IPO5: variants seen among roughly 807,000 people sequenced by gnomAD.
IPO5 encodes the protein importin-5.
In IPO5, 18 loss-of-function variants were observed where a neutral mutation model predicts 143.3. The observed-to-expected ratio is 0.13, with a 90% CI of 0.09 to 0.19. The LOEUF (loss-of-function observed/expected upper bound fraction) is 0.19, where lower values mean the gene tolerates loss of function less well. Among genes scored for constraint, IPO5 ranks in the 10% least tolerant of loss-of-function variants. The probability of loss-of-function intolerance (pLI) is 1.00; values close to 1 mark genes in which losing one functional copy is unlikely to be tolerated. For synonymous variants in IPO5, 477 were observed against 465.7 expected (o/e 1.02, Z -0.31); for missense variants, 1,013 against 1,336.9 (o/e 0.76, Z 3.78).
In IPO5 at chr13:98,014,065, T is replaced by A; in HGVS notation, c.2176T>A (p.Ser726Thr). The change falls in exon 22 of 29, where the codon TCC (serine) becomes ACC (threonine). Residue 726 changes from serine (S) to threonine (T), a missense_variant. By Grantham distance (58) the Ser-to-Thr change is moderately conservative. Around this residue, in one of 2 missense-constraint regions of IPO5, gnomAD observed 685 missense variants for 994.9 expected, o/e 0.69. Transcript: ENST00000651721. ...HDGVRVAAAE[S>T]MPLLLECARV... ...ACGTGTTCGAGTGGCAGCAGCGGAA[T>A]CCATGCCTCTTCTCCTGGAGTGTGC... The A allele has an allele frequency of 2.5e-6, 4 of 1,609,766 alleles. No individual in the cohort carries two copies. The highest frequency in any genetic ancestry group is 3.4e-6 in the Non-Finnish European group (4 of 1,179,030).
chr13:98,006,520 G>T (rs1389113550), intron 17 of IPO5, among the ~76,000 whole-genome samples, 172 bp downstream of exon 17: 2 of 150,950 alleles, frequency 1.3e-5, no homozygotes, highest in Middle Eastern at 3.4e-3. Context: ...GACTACAGAC[G>T]CCCGCCACCA....
At chr13:97,972,761 T>G (rs902310104) in intron 3 of IPO5, among the ~76,000 whole-genome samples, 2 of 152,222 alleles carry the variant, frequency 1.3e-5, no homozygotes, top group Non-Finnish European at 2.9e-5. Context: ...AAGTTTTCTA[T>G]CCTTGCATTT....
At chr13:97,976,565 G>C in intron 3 of IPO5, 128 bp from the exon 4 acceptor site, 1 of 163,376 alleles carries the variant, frequency 6.1e-6, no homozygotes. Flanking sequence ...CTTCCCGCGC[G>C]GCCCCCCGCA....
intron 20 of IPO5, 84 bp from the exon 21 acceptor site, chr13:98,012,162 G>A (rs184750294): frequency 1.2e-6 from 1 of 805,292 alleles, no homozygotes; most frequent in East Asian, 2.4e-5. Context: ...AACCTCCTGT[G>A]GTCCTTATGA....
intron 2 of IPO5, among the ~76,000 whole-genome samples, chr13:97,957,041 C>T (rs939511102): frequency 8.5e-5 from 13 of 152,154 alleles, no homozygotes; most frequent in Non-Finnish European, 1.8e-4. Context: ...CTACTTTTCC[C>T]ACTCCCTCCC....
Position 97,985,487 on chromosome 13 carries a change from G to C in IPO5, c.238G>C (p.Ala80Pro), listed in dbSNP as rs751965200. 7 of 1,613,934 alleles carry C rather than the reference G, an allele frequency of 4.3e-6. No homozygotes were observed. Among genetic ancestry groups the C allele is most frequent in the Middle Eastern group, 3.3e-4 (2 of 6,062 alleles). Residue 80 changes from alanine to proline, a missense_variant, in exon 6 of 29, where the codon GCA becomes CCA. Around this residue, in one of 2 missense-constraint regions of IPO5, gnomAD observed 328 missense variants for 342.0 expected, o/e 0.96. Transcript: ENST00000651721. ...LSSAFDEVYP[A>P]LPSDVQTAIK... ...CTCTGCATTTGATGAAGTCTATCCA[G>C]CACTTCCCTCTGATGTTCAGACTGC...
Position 98,009,890 on chromosome 13 carries a change from A to C in IPO5, c.1810A>C (p.Met604Leu). Residue 604 changes from methionine (M) to leucine (L), a missense_variant, in exon 19 of 29, where the codon ATG (methionine) becomes CTG (leucine). Around this residue, in one of 2 missense-constraint regions of IPO5, gnomAD observed 685 missense variants for 994.9 expected, o/e 0.69. Coordinates refer to ENST00000651721, the MANE Select transcript of IPO5 (RefSeq NM_002271.6). ...TAAAATTTTTCCCCAGATCTCTTACATGATCTCAGCATGGGCCAGAATGTG... is the reference window on the plus strand; with the variant it reads ...TAAAATTTTTCCCCAGATCTCTTACCTGATCTCAGCATGGGCCAGAATGTG... ...MEDDDPQISY[M>L]ISAWARMCKI... The C allele has an allele frequency of 1.2e-6, 2 of 1,606,132 alleles. No individual in the cohort carries two copies. Among genetic ancestry groups the C allele is most frequent in the Non-Finnish European group, 8.5e-7 (1 of 1,175,658 alleles).
At chr13:97,991,301 G>A (rs1166370266) in intron 9 of IPO5, among the ~76,000 whole-genome samples, 3 of 152,120 alleles carry the variant, frequency 2.0e-5, no homozygotes, top group Non-Finnish European at 1.5e-5. Flanking sequence ...TATGTAAATG[G>A]TCAGACAAGA....
intron 2 of IPO5, among the ~76,000 whole-genome samples, chr13:97,969,245 G>A (rs1320219942): frequency 2.2e-5 from 3 of 137,208 alleles, no homozygotes; most frequent in East Asian, 2.2e-4. Context: ...GCAGTGGCGC[G>A]ATCTCAGCTC....
chr13:97,974,938 T>C (rs893000318), intron 3 of IPO5, among the ~76,000 whole-genome samples: 3 of 152,214 alleles, frequency 2.0e-5, no homozygotes, highest in African/African-American at 7.2e-5. Flanking sequence ...CCATCCCAAT[T>C]GCACGTGGAT....
In IPO5 at chr13:97,959,697, G is replaced by A. The variant is rs185674172; in HGVS notation, c.-113+5499G>A. ...TGCAGTGAGCCTAGATAGCGCCACT[G>A]CACTCCAGCCGGGGTGACGGACTGG... On this transcript the variant is annotated intron_variant, in intron 2 of 28. Coordinates refer to ENST00000651721, the MANE Select transcript of IPO5 (RefSeq NM_002271.6). Among the ~76,000 whole-genome samples the A allele has an allele frequency of 3.7e-3, 566 of 152,284 alleles. 5 individuals are homozygous for A. The highest frequency in any genetic ancestry group is 8.9e-3 in the Admixed American group (136 of 15,292).
At chr13:97,969,879 A>C (rs764191427) in intron 3 of IPO5, 49 bp downstream of exon 3, 2 of 1,437,062 alleles carry the variant, frequency 1.4e-6, no homozygotes, top group East Asian at 4.6e-5. Context: ...TGTTTTTTTT[A>C]AAAGAGACAA....
rs748887472 is a variant in IPO5 at position 98,006,843 on chromosome 13, A to ATTGT, written c.1716+507_1716+510dup. On this transcript the variant is annotated intron_variant, in intron 17 of 28. Transcript: ENST00000651721. ...TACAAATTCTTGCCTTCATCTTTTC[A>ATTGT]TTGTTTGTTTGTTTGGTTTGGTGTT... Among the ~76,000 whole-genome samples, 4 of 139,320 alleles carry ATTGT rather than the reference A, an allele frequency of 2.9e-5. 1 individual carries two copies. The South Asian group carries it at 9.3e-4, about 32-fold the overall frequency. The allele number at this position is 139,320 out of a possible 152,430, so 91.4% of individuals were successfully genotyped here.
intron 11 of IPO5, among the ~76,000 whole-genome samples, chr13:97,993,891 G>A (rs1475837145): frequency 1.3e-5 from 2 of 152,178 alleles, no homozygotes; most frequent in Non-Finnish European, 2.9e-5. Flanking sequence ...CTGAGGTAGT[G>A]GTTGGAATTT....
At chr13:97,979,623 A>G (rs1378943912) in intron 4 of IPO5, among the ~76,000 whole-genome samples, 3 of 152,238 alleles carry the variant, frequency 2.0e-5, no homozygotes, top group African/African-American at 4.8e-5. Flanking sequence ...TTTATTAATC[A>G]TATGCATGGA....
intron 12 of IPO5, 101 bp downstream of exon 12, chr13:97,997,719 C>A: frequency 1.9e-6 from 1 of 536,510 alleles, no homozygotes. Flanking sequence ...ACTTTTAAGC[C>A]TGGAATATGG....
intron 2 of IPO5, among the ~76,000 whole-genome samples, chr13:97,964,984 C>T (rs953088247): frequency 1.3e-5 from 2 of 152,126 alleles, no homozygotes; most frequent in African/African-American, 2.4e-5. Context: ...ATGTGGCACA[C>T]GTATACCATT....
chr13:97,956,063 T>TG (rs1555301287), intron 2 of IPO5, among the ~76,000 whole-genome samples: 1 of 146,276 alleles, frequency 6.8e-6, no homozygotes, highest in Admixed American at 7.0e-5. Flanking sequence ...ACCCGGGAGG[T>TG]GGAGCTTGCA....
At chr13:97,977,517 A>C (rs1034818713) in intron 4 of IPO5, among the ~76,000 whole-genome samples, 8 of 152,170 alleles carry the variant, frequency 5.3e-5, no homozygotes, top group Non-Finnish European at 1.2e-4. Context: ...GATAAATGGG[A>C]TGTAGTGGGA....
Sources: gnomAD v4.1 joint callset for allele counts (sites outside exome capture counted in the v4.1 genomes callset) on GRCh38, gnomAD v4.1.1 for gene constraint, gnomAD v4.1.1 regional missense constraint, MANE v1.5 for transcripts, NCBI Gene and HGNC (gene_info 2026-07-23, HGNC 2026-07-21) for gene names.